ANKRD46: variants seen among roughly 807,000 people sequenced by gnomAD.
ANKRD46 encodes ankyrin repeat domain-containing protein 46.
Under a neutral mutation model 19.8 loss-of-function variants are expected in ANKRD46, and 13 were observed. That is an observed-to-expected ratio of 0.66 (90% CI 0.43 to 1.04). ANKRD46 has a LOEUF of 1.04. Ranked by LOEUF, ANKRD46 falls within the 50% of genes least tolerant of loss-of-function variation. ANKRD46 has a pLI of 0.00. For synonymous variants in ANKRD46, 91 were observed against 106.9 expected, an observed-to-expected ratio of 0.85 and a Z score of 0.92; for missense variants, 185 against 274.8, an observed-to-expected ratio of 0.67 and a Z score of 2.31.
downstream of ANKRD46, among the ~76,000 whole-genome samples, chr8:100,518,659 G>A (rs1811672515): frequency 6.6e-6 from 1 of 152,012 alleles, no homozygotes; most frequent in South Asian, 2.1e-4. Context: ...AGACCATCCT[G>A]GCTAACATGG....
At position 100,551,785 on chromosome 8, in the gene ANKRD46, CCT is replaced by C. The variant is rs1812396299; in HGVS notation, c.-131+7924_-131+7925del. ...TGACCTCAGCCAGCACCCATACCCA[CCT>C]CTCTTTTTGTTGAGTTTTAAGAGTT... On this transcript the variant is annotated intron_variant, in intron 1 of 4. Transcript: ENST00000335659. 2.5e-5 allele frequency: 11 copies of C among 440,152 alleles called. 1 individual carries two copies. Among genetic ancestry groups the C allele is most frequent in the South Asian group, 2.4e-4 (11 of 46,648 alleles). The allele number at this position is 440,152 out of a possible 1,614,324, so 27.3% of individuals were successfully genotyped here. A position where few individuals can be genotyped will look rare whatever the true frequency, so the allele number is the denominator to read the frequency against.
intron 1 of ANKRD46, among the ~76,000 whole-genome samples, chr8:100,548,756 G>T (rs1042447277): frequency 7.9e-5 from 12 of 152,140 alleles, no homozygotes; most frequent in African/African-American, 2.7e-4. Context: ...TTCACTGAAG[G>T]TGGACAAAAA....
In ANKRD46 at chr8:100,511,197, A is replaced by T. The variant is rs1811543466; in HGVS notation, c.637-558T>A. 6.6e-6 allele frequency among the ~76,000 whole-genome samples: 1 copy of T among 152,194 alleles called. No homozygotes were observed. Among genetic ancestry groups the T allele is most frequent in the African/African-American group, 2.4e-5 (1 of 41,434 alleles). The stretch of plus-strand genomic sequence containing the variant: ...ATGTAACAGATGAGCTGAGTCAGGA[A>T]TATCCCCATTGAACAGATGGTGTAC... On this transcript the variant is annotated intron_variant, in intron 5 of 5. Transcript: ENST00000520552. The surrounding 1 kb of genome is among the most constrained non-coding windows in gnomAD (Gnocchi z 4.1).
intron 1 of ANKRD46, among the ~76,000 whole-genome samples, chr8:100,555,674 A>G (rs1409996101): frequency 6.7e-6 from 1 of 148,652 alleles, no homozygotes; most frequent in African/African-American, 2.5e-5. Flanking sequence ...TTCCTGGAGA[A>G]AAAAACAAGA....
At chr8:100,522,902 CACAT>C (rs1318755846) in intron 4 of ANKRD46, 131 bp from the exon 5 acceptor site, 266 of 272,580 alleles carry the variant, frequency 9.8e-4, no homozygotes, top group South Asian at 2.8e-3. Flanking sequence ...CACACACACA[CACAT>C]ATATATATAT....
chr8:100,539,522 A>G (rs963792972), intron 1 of ANKRD46, among the ~76,000 whole-genome samples: 2 of 152,180 alleles, frequency 1.3e-5, no homozygotes, highest in African/African-American at 2.4e-5. Flanking sequence ...TTTTGGAGCA[A>G]TTTTTAGGCA....
intron 1 of ANKRD46, among the ~76,000 whole-genome samples, chr8:100,558,591 T>G (rs1393236841): frequency 6.6e-6 from 1 of 152,190 alleles, no homozygotes; most frequent in African/African-American, 2.4e-5. Context: ...AAAAAGGAGT[T>G]CATGTAGGAC....
chr8:100,519,728 G>A (rs1489908404), downstream of ANKRD46, among the ~76,000 whole-genome samples: 1 of 152,234 alleles, frequency 6.6e-6, no homozygotes, highest in Non-Finnish European at 1.5e-5. Flanking sequence ...GCTGCTGATC[G>A]GAAGCCTGCA....
intron 1 of ANKRD46, among the ~76,000 whole-genome samples, chr8:100,541,123 T>C (rs765236133): frequency 6.6e-6 from 1 of 151,120 alleles, no homozygotes; most frequent in Non-Finnish European, 1.5e-5. Context: ...AAATCCAAAA[T>C]TGGGATGAAG....
At chr8:100,517,637 C>T (rs762887029), downstream of ANKRD46, among the ~76,000 whole-genome samples, 1 of 152,178 alleles carries the variant, frequency 6.6e-6, no homozygotes, top group Non-Finnish European at 1.5e-5. Flanking sequence ...GAACAGAATG[C>T]CAGCCTATGT....
chr8:100,528,113 A>T, intron 3 of ANKRD46, 110 bp from the exon 4 acceptor site: 1 of 1,231,318 alleles, frequency 8.1e-7, no homozygotes, highest in Non-Finnish European at 1.1e-6. Context: ...ATCTCAGTGA[A>T]GAAAGAATGG....
At chr8:100,535,715 A>C (rs1200092671) in intron 1 of ANKRD46, among the ~76,000 whole-genome samples, 4 of 152,196 alleles carry the variant, frequency 2.6e-5, no homozygotes, top group Admixed American at 6.5e-5. Context: ...AGATTCATCC[A>C]GGGTAGCTGT....
rs1255253428 is a variant in ANKRD46 at position 100,510,190 on chromosome 8, G to A, written c.*387C>T. ...TGAAATTGGATCCCCACAGTCCATG[G>A]AGACAAACAAAACAGCATGACATCA... On this transcript the variant is annotated 3_prime_UTR_variant, in exon 6 of 6. Transcript: ENST00000520552. This position sits in a 1 kb window ranked among gnomAD's most constrained non-coding sequence, Gnocchi z 4.9. The A allele has an allele frequency of 1.6e-5, 3 of 191,866 alleles. No homozygotes were observed. The Admixed American group carries it at 1.8e-4, about 12-fold the overall frequency. The allele number at this position is 191,866 out of a possible 1,614,324, so 11.9% of individuals were successfully genotyped here.
chr8:100,512,824 T>C (rs985839119), intron 5 of ANKRD46, among the ~76,000 whole-genome samples: 4 of 152,228 alleles, frequency 2.6e-5, no homozygotes, highest in East Asian at 1.9e-4. Context: ...AGGATGTGCA[T>C]TGGGCATTGT....
In ANKRD46 at chr8:100,529,481, T is replaced by C. The variant is rs377736140; in HGVS notation, c.311+42A>G. The C allele has an allele frequency of 7.7e-6, 12 of 1,552,758 alleles. No individual in the cohort carries two copies. Among genetic ancestry groups the C allele is most frequent in the African/African-American group, 2.7e-5 (2 of 73,170 alleles). ...ATAAGATTATCAGTTGAGAGATTAA[T>C]GGGAAGAAATGACTAGACTTCTAAA... On this transcript the variant is annotated intron_variant, in intron 3 of 4. Coordinates refer to ENST00000335659, the MANE Select transcript of ANKRD46 (RefSeq NM_001270377.2). This position sits in a 1 kb window ranked among gnomAD's most constrained non-coding sequence, Gnocchi z 5.8.
At chr8:100,528,682 G>C (rs578167211) in intron 3 of ANKRD46, among the ~76,000 whole-genome samples, 1 of 151,866 alleles carries the variant, frequency 6.6e-6, no homozygotes, top group East Asian at 1.9e-4. Flanking sequence ...AAGCTGCTTC[G>C]GTTCACGCAG....
chr8:100,545,673 TG>T lies in ANKRD46; in HGVS notation c.-130-12363del. On this transcript the variant is annotated intron_variant, in intron 1 of 4. Transcript: ENST00000335659. The surrounding 1 kb of genome is among the most constrained non-coding windows in gnomAD (Gnocchi z 4.7). ...GAAAAAATGGAAGTGACTTTGGAAC[TG>T]GGTAACAGGCAAAGGTTGGAACAGT... Among the ~76,000 whole-genome samples, 1 of 152,280 alleles carries T rather than the reference TG, an allele frequency of 6.6e-6. No individual in the cohort carries two copies. Among genetic ancestry groups the T allele is most frequent in the East Asian group, 1.9e-4 (1 of 5,184 alleles).
In ANKRD46 at chr8:100,532,793, T is replaced by G. The variant is rs1258595807; in HGVS notation, c.-28+416A>C. 6.6e-6 allele frequency among the ~76,000 whole-genome samples: 1 copy of G among 152,208 alleles called. No homozygotes were observed. Among genetic ancestry groups the G allele is most frequent in the Non-Finnish European group, 1.5e-5 (1 of 68,032 alleles). On this transcript the variant is annotated intron_variant, in intron 2 of 4. Transcript: ENST00000335659. This position sits in a 1 kb window ranked among gnomAD's most constrained non-coding sequence, Gnocchi z 4.7. ...GCAGGTTGGACAAGCTTGCACAGTATTGAATCATAAAAATGGAAAAGCTAT... is the reference window on the plus strand; with the variant it reads ...GCAGGTTGGACAAGCTTGCACAGTAGTGAATCATAAAAATGGAAAAGCTAT...
At position 100,527,523 on chromosome 8, in the gene ANKRD46, A is replaced by C. The variant is rs1037114858; in HGVS notation, c.470+322T>G. Reference sequence around the variant, plus strand: ...TTCTCCTTTGTACTGTCAATACAGCAGGTGGCTAACAGAACATTATGCGCA... The same window carrying C: ...TTCTCCTTTGTACTGTCAATACAGCCGGTGGCTAACAGAACATTATGCGCA... On this transcript the variant is annotated intron_variant, in intron 4 of 4. Transcript: ENST00000335659. The surrounding 1 kb of genome is among the most constrained non-coding windows in gnomAD (Gnocchi z 4.0). Among the ~76,000 whole-genome samples the C allele has an allele frequency of 3.3e-5, 5 of 152,230 alleles. No homozygotes were observed. Among genetic ancestry groups the C allele is most frequent in the South Asian group, 4.1e-4 (2 of 4,828 alleles).
Sources: gnomAD v4.1 joint callset for allele counts (sites outside exome capture counted in the v4.1 genomes callset) on GRCh38, gnomAD v4.1.1 for gene constraint, Gnocchi (gnomAD v3.1) non-coding constraint, MANE v1.5 for transcripts, NCBI Gene and HGNC (gene_info 2026-07-23, HGNC 2026-07-21) for gene names.